Variants in LIPK observed in about 807,000 individuals in gnomAD.
LIPK encodes the protein lipase member K.
A neutral mutation model predicts 48.6 loss-of-function variants in LIPK; 32 were observed. The ratio of observed to expected loss-of-function variants is 0.66; its 90% CI spans 0.50 to 0.88. The LOEUF (loss-of-function observed/expected upper bound fraction) is 0.88. Among genes scored for constraint, LIPK ranks in the 40% least tolerant of loss-of-function variants. The pLI is 0.00. For synonymous variants in LIPK, 164 were observed against 157.4 expected (o/e 1.04, Z -0.32); for missense variants, 507 against 478.5 (o/e 1.06, Z -0.56).
chr10:88,708,975 T>G (rs1168398473), intron 1 of LIPK, among the ~76,000 whole-genome samples: 1 of 152,198 alleles, frequency 6.6e-6, no homozygotes, highest in Non-Finnish European at 1.5e-5. Context: ...ATTTTAATTT[T>G]TCTTTGTATA....
At chr10:88,745,735 A>T (rs1191871218) in intron 9 of LIPK, among the ~76,000 whole-genome samples, 1 of 152,210 alleles carries the variant, frequency 6.6e-6, no homozygotes, top group Non-Finnish European at 1.5e-5. Context: ...CCTACATAAG[A>T]ACCAGCTAAC....
intron 3 of LIPK, chr10:88,728,076 T>A: frequency 3.3e-6 from 1 of 305,368 alleles, no homozygotes; most frequent in Non-Finnish European, 6.6e-6. Context: ...TCAACAAGCA[T>A]ATAGAGATGG....
chr10:88,720,420 C>A (rs987359753), intron 1 of LIPK, among the ~76,000 whole-genome samples: 12 of 152,096 alleles, frequency 7.9e-5, no homozygotes, highest in Non-Finnish European at 4.4e-5. Flanking sequence ...CTATTTGGTA[C>A]TAGGTTTAGT....
At position 88,729,256 on chromosome 10, in the gene LIPK, G is replaced by GGC. The variant is rs113972254; in HGVS notation, c.224-1726_224-1725insCG. ...GCAATGCAGGTGGCTATCTGTTGGGGGGGGGGGGCGGGGGAAGAGCAATTC... is the reference window on the plus strand; with the variant it reads ...GCAATGCAGGTGGCTATCTGTTGGGGGCGGGGGGGGCGGGGGAAGAGCAATTC... On this transcript the variant is annotated intron_variant, in intron 3 of 9. Transcript: ENST00000404190. 1.6e-4 allele frequency among the ~76,000 whole-genome samples: 18 copies of GGC among 112,080 alleles called. 1 individual carries two copies. Among genetic ancestry groups the GGC allele is most frequent in the African/African-American group, 2.0e-4 (6 of 29,830 alleles). The allele number at this position is 112,080 out of a possible 152,430, so 73.5% of individuals were successfully genotyped here.
rs184941443 is a variant in LIPK at position 88,745,445 on chromosome 10, C to T, written c.960+2124C>T. ...TAACTGTGGACCTTTCAGCAGAAAC[C>T]CTACAAGCCAGAAGAGATTACGGGC... On this transcript the variant is annotated intron_variant, in intron 9 of 9. Transcript: ENST00000404190. Among the ~76,000 whole-genome samples the T allele has an allele frequency of 1.1e-3, 168 of 152,226 alleles. 1 individual carries two copies. Among genetic ancestry groups the T allele is most frequent in the Non-Finnish European group, 2.2e-3 (147 of 68,014 alleles).
chr10:88,743,309 G>T lies in LIPK; in HGVS notation c.948G>T (p.Met316Ile). The T allele has an allele frequency of 6.3e-7, 1 of 1,590,364 alleles. No individual in the cohort carries two copies. Among genetic ancestry groups the T allele is most frequent in the Non-Finnish European group, 8.6e-7 (1 of 1,166,134 alleles). The change falls in exon 9 of 10, where the codon ATG (methionine) becomes ATT (isoleucine). Residue 316 changes from methionine (M) to isoleucine (I), a missense_variant. By Grantham distance (10) the Met-to-Ile change is conservative. Transcript: ENST00000404190. ...GGGGAAACTCTGATCAGAACATGAT[G>T]CACTTCCATCAGGTACAAAAATAAT... is the stretch of plus-strand genomic sequence containing the variant. Reference protein sequence around the residue: ...FDWGNSDQNMMHFHQLTPPLY... With the variant: ...FDWGNSDQNMIHFHQLTPPLY...
At chr10:88,733,331 T>C (rs1440712582) in intron 6 of LIPK, among the ~76,000 whole-genome samples, 2 of 152,212 alleles carry the variant, frequency 1.3e-5, no homozygotes, top group East Asian at 1.9e-4. Context: ...TGTTTTCTTC[T>C]TGTATTTTAA....
chr10:88,723,622 TA>T (rs1171779356), intron 1 of LIPK, among the ~76,000 whole-genome samples: 1 of 152,146 alleles, frequency 6.6e-6, no homozygotes, highest in Non-Finnish European at 1.5e-5. Flanking sequence ...TTCACAATTT[TA>T]AAAAAAGTTT....
chr10:88,748,030 G>A (rs1252126721), intron 9 of LIPK, among the ~76,000 whole-genome samples: 2 of 152,108 alleles, frequency 1.3e-5, no homozygotes, highest in South Asian at 2.1e-4. Flanking sequence ...ATAATAGACT[G>A]GATAAAGAAT....
chr10:88,742,174 C>A (rs1263753099), intron 8 of LIPK, among the ~76,000 whole-genome samples: 1 of 152,208 alleles, frequency 6.6e-6, no homozygotes, highest in African/African-American at 2.4e-5. Context: ...GATTCAGTCT[C>A]CTCCCACCAG....
intron 8 of LIPK, 70 bp downstream of exon 8, chr10:88,740,137 G>A (rs443886): frequency 0.22 from 261,324 of 1,178,012 alleles, 30,457 homozygotes; most frequent in East Asian, 0.38. Context: ...CTCTCAGAGA[G>A]CTCACTGCAG....
chr10:88,725,333 A>G (rs971197587), intron 2 of LIPK, among the ~76,000 whole-genome samples: 4 of 152,130 alleles, frequency 2.6e-5, no homozygotes, highest in Non-Finnish European at 4.4e-5. Context: ...AACTCACATA[A>G]TTTTTCTCTC....
In LIPK at chr10:88,732,220, T is replaced by C; in HGVS notation, c.465T>C (p.Asn155=). The C allele has an allele frequency of 6.2e-7, 1 of 1,613,832 alleles. No homozygotes were observed. Among genetic ancestry groups the C allele is most frequent in the South Asian group, 1.1e-5 (1 of 90,990 alleles). Residue 155 remains asparagine, a synonymous_variant, in exon 5 of 10, where the codon AAT becomes AAC. Coordinates refer to ENST00000404190, the MANE Select transcript of LIPK (RefSeq NM_001080518.2). ...AATATGACCTTCCAGCCACAATCAA[T>C]TTTATCATAGAGAAAACTGGACAGA... ...MAKYDLPATI[N]FIIEKTGQKR...
At chr10:88,735,636 T>C (rs1392895696) in intron 6 of LIPK, among the ~76,000 whole-genome samples, 1 of 152,286 alleles carries the variant, frequency 6.6e-6, no homozygotes, top group Non-Finnish European at 1.5e-5. Context: ...GCAAGCCATA[T>C]GCCCTGGCAT....
intron 9 of LIPK, among the ~76,000 whole-genome samples, chr10:88,749,587 C>CT (rs1842828589): frequency 6.6e-6 from 1 of 152,154 alleles, no homozygotes; most frequent in South Asian, 2.1e-4. Flanking sequence ...TGGACCCCTT[C>CT]TTTTTCCCAT....
At chr10:88,749,300 G>A (rs1416118550) in intron 9 of LIPK, among the ~76,000 whole-genome samples, 1 of 152,144 alleles carries the variant, frequency 6.6e-6, no homozygotes, top group Non-Finnish European at 1.5e-5. Flanking sequence ...AAAGAAGCCT[G>A]AATAGTCAAG....
At chr10:88,732,578 GA>G (rs759328100) in intron 6 of LIPK, 27 bp downstream of exon 6, 1 of 1,576,974 alleles carries the variant, frequency 6.3e-7, no homozygotes, top group Non-Finnish European at 8.6e-7. Context: ...GTTTTAATCT[GA>G]AATAACTAAA....
chr10:88,737,622 A>C lies in LIPK; in HGVS notation c.670-13A>C. The C allele has an allele frequency of 6.2e-7, 1 of 1,611,704 alleles. No homozygotes were observed. Among genetic ancestry groups the C allele is most frequent in the Non-Finnish European group, 8.5e-7 (1 of 1,178,668 alleles). ...GCCTGTAAGATTTGATGGTGTTTTAAATTATCTTGTAGGTGTTGTTTGGTG... is the reference window on the plus strand; with the variant it reads ...GCCTGTAAGATTTGATGGTGTTTTACATTATCTTGTAGGTGTTGTTTGGTG... On this transcript the variant is annotated splice_polypyrimidine_tract_variant and intron_variant, in intron 6 of 9. Coordinates refer to ENST00000404190, the MANE Select transcript of LIPK (RefSeq NM_001080518.2).
At chr10:88,713,786 C>T (rs1842066132) in intron 1 of LIPK, among the ~76,000 whole-genome samples, 1 of 151,452 alleles carries the variant, frequency 6.6e-6, no homozygotes, top group African/African-American at 2.4e-5. Flanking sequence ...ACTAAAAATA[C>T]AAAAATTAGC....
Sources: gnomAD v4.1 joint callset for allele counts (sites outside exome capture counted in the v4.1 genomes callset) on GRCh38, gnomAD v4.1.1 for gene constraint, MANE v1.5 for transcripts, NCBI Gene and HGNC (gene_info 2026-07-23, HGNC 2026-07-21) for gene names.